Variants in ACOT12 observed in about 807,000 individuals in gnomAD.
ACOT12 encodes the protein acyl-CoA thioesterase 12.
ACOT12 carries 51 observed loss-of-function variants against 67.7 expected under a neutral mutation model. The observed-to-expected ratio is 0.75, with a 90% CI of 0.60 to 0.95. The LOEUF is 0.95. Ranked by LOEUF, ACOT12 falls within the 40% of genes least tolerant of loss-of-function variation. ACOT12 has a pLI of 0.00. For synonymous variants in ACOT12, 251 were observed against 244.6 expected (o/e 1.03, Z -0.24); for missense variants, 734 against 708.1 (o/e 1.04, Z -0.41).
At chr5:81,342,631 TG>T in intron 11 of ACOT12, 40 bp downstream of exon 11, 1 of 1,601,322 alleles carries the variant, frequency 6.2e-7, no homozygotes, top group Non-Finnish European at 8.6e-7. Flanking sequence ...CTTTCGTTTG[TG>T]ATGGGCGATG....
chr5:81,349,357 C>T (rs1301987420), intron 5 of ACOT12, among the ~76,000 whole-genome samples: 4 of 152,198 alleles, frequency 2.6e-5, no homozygotes, highest in Admixed American at 2.6e-4. Context: ...CCTGCAAGCC[C>T]TGCATTCCTG....
At position 81,383,518 on chromosome 5, in the gene ACOT12, T is replaced by G. The variant is rs796327588; in HGVS notation, c.197+2239A>C. On this transcript the variant is annotated intron_variant, in intron 2 of 14. Transcript: ENST00000307624. ...CAAATGACCAGGTTTCTTTAAAAAA[T>G]AAATTGCAAGATAAAAGAAGGAAGG... is the stretch of plus-strand genomic sequence containing the variant. Among the ~76,000 whole-genome samples the G allele has an allele frequency of 2.8e-4, 42 of 152,176 alleles. 2 individuals carry two copies. The highest frequency in any genetic ancestry group is 9.2e-4 in the African/African-American group (38 of 41,504).
At position 81,347,888 on chromosome 5, in the gene ACOT12, C is replaced by T; in HGVS notation, c.539G>A (p.Gly180Asp). Residue 180 changes from glycine (G) to aspartate (D), a missense_variant, in exon 6 of 15, where the codon GGC (glycine) becomes GAC (aspartate). Gly to Asp is a moderately conservative substitution (Grantham distance 94). Coordinates refer to ENST00000307624, the MANE Select transcript of ACOT12 (RefSeq NM_130767.3). ...CAGTTCAATGCTCTGAACGGAGGTG[C>T]CCCTTGTGGAAACCGCTCCTTCCTC... ...DEEEGAVSTR[G>D]TSVQSIELVL... The T allele has an allele frequency of 1.2e-6, 2 of 1,613,864 alleles. No individual in the cohort carries two copies. The highest frequency in any genetic ancestry group is 3.3e-5 in the Admixed American group (2 of 59,964).
chr5:81,322,751 T>C, the ACOT12 span, among the ~76,000 whole-genome samples: 1 of 152,060 alleles, frequency 6.6e-6, no homozygotes, highest in East Asian at 1.9e-4. Flanking sequence ...AAACTTAAAA[T>C]CATGGTGGAA....
chr5:81,380,582 A>G (rs1393576984), intron 2 of ACOT12, among the ~76,000 whole-genome samples: 10 of 80,274 alleles, frequency 1.2e-4, no homozygotes, highest in East Asian at 2.7e-4. Flanking sequence ...AAAAAAAAAG[A>G]AAAGAAATCT....
At position 81,330,296 on chromosome 5, in the gene ACOT12, A is replaced by T; in HGVS notation, c.*98T>A. On this transcript the variant is annotated 3_prime_UTR_variant, in exon 15 of 15. Coordinates refer to ENST00000307624, the MANE Select transcript of ACOT12 (RefSeq NM_130767.3). ...ACTGCATTTTGCTTAGGGTTATATT[A>T]AATTATTTTGTGGCCCCAAAGCTTG... 7.3e-7 allele frequency: 1 copy of T among 1,378,346 alleles called. No homozygotes were observed. Among genetic ancestry groups the T allele is most frequent in the Non-Finnish European group, 9.8e-7 (1 of 1,024,516 alleles). 85.4% of individuals were successfully genotyped at this position (1,378,346 alleles called of 1,614,324 possible). A position where few individuals can be genotyped will look rare whatever the true frequency, so the allele number is the denominator to read the frequency against.
At chr5:81,380,669 T>C (rs555894966) in intron 2 of ACOT12, among the ~76,000 whole-genome samples, 2 of 151,224 alleles carry the variant, frequency 1.3e-5, no homozygotes, top group South Asian at 2.1e-4. Flanking sequence ...TTATTTGTAA[T>C]AGCAAAAGAC....
rs778275865 is a variant in ACOT12, at chr5:81,347,943, T to G, written c.497-13A>C. 32 of 1,611,790 alleles carry G rather than the reference T, an allele frequency of 2.0e-5. No individual in the cohort carries two copies. Among genetic ancestry groups the G allele is most frequent in the African/African-American group, 5.3e-5 (4 of 74,888 alleles). On this transcript the variant is annotated splice_polypyrimidine_tract_variant and intron_variant, in intron 5 of 14. Coordinates refer to ENST00000307624, the MANE Select transcript of ACOT12 (RefSeq NM_130767.3). ...TCAAAAATGAGATCTGAAAGGTGGA[T>G]GTAAACATTAATGATGGTGGAGTGA...
At chr5:81,361,948 A>T (rs1288162916) in intron 4 of ACOT12, among the ~76,000 whole-genome samples, 1 of 152,224 alleles carries the variant, frequency 6.6e-6, no homozygotes, top group African/African-American at 2.4e-5. Flanking sequence ...TATGGGTTCA[A>T]ACCAAACCAC....
chr5:81,393,733 A>G (rs963988295), intron 1 of ACOT12, among the ~76,000 whole-genome samples: 4 of 151,444 alleles, frequency 2.6e-5, no homozygotes, highest in African/African-American at 9.8e-5. Flanking sequence ...AAACAAACAA[A>G]AAACCCCGCA....
At position 81,359,940 on chromosome 5, in the gene ACOT12, G is replaced by GTT. The variant is rs1320995063; in HGVS notation, c.458_459insAA (p.Phe154ThrfsTer5). On this transcript the variant is annotated frameshift_variant, in exon 5 of 15. Transcript: ENST00000307624. LOFTEE classifies it high-confidence loss of function. ...TACTTTCCTTCATTAAATTGTTAAAGGTATCTTCATGTTGTAATCGAACTT... is the reference window on the plus strand; with the variant it reads ...TACTTTCCTTCATTAAATTGTTAAAGTTGTATCTTCATGTTGTAATCGAACTT... 6.2e-7 allele frequency: 1 copy of GTT among 1,611,204 alleles called. No homozygotes were observed. The highest frequency in any genetic ancestry group is 2.2e-5 in the East Asian group (1 of 44,750).
chr5:81,335,875 A>G lies in ACOT12; in HGVS notation c.1155T>C (p.His385=). The G allele has an allele frequency of 4.3e-6, 7 of 1,613,768 alleles. No individual in the cohort carries two copies. Among genetic ancestry groups the G allele is most frequent in the Non-Finnish European group, 5.9e-6 (7 of 1,179,834 alleles). ...TTTCAACCCAAACAGATAAAACATC[A>G]TGCTCTTCCAGAGTATATATTTTTA... The part of the protein sequence containing the change: ...EKIKIYTLEE[H]DVLSVWVEKH... Residue 385 remains histidine, a synonymous_variant, in exon 12 of 15, where the codon CAT becomes CAC. Transcript: ENST00000307624.
At chr5:81,323,845 T>C in the ACOT12 span, among the ~76,000 whole-genome samples, 5 of 142,966 alleles carry the variant, frequency 3.5e-5, no homozygotes, top group Admixed American at 3.0e-4. Context: ...TGTATATGTA[T>C]ATGTACATGT....
At chr5:81,322,977 AT>A in the ACOT12 span, among the ~76,000 whole-genome samples, 2 of 151,130 alleles carry the variant, frequency 1.3e-5, no homozygotes, top group Admixed American at 6.6e-5. Flanking sequence ...TCAAGGTGAA[AT>A]GTGGGTGGGG....
chr5:81,378,672 G>A (rs1264289613), intron 2 of ACOT12, among the ~76,000 whole-genome samples: 1 of 152,112 alleles, frequency 6.6e-6, no homozygotes, highest in African/African-American at 2.4e-5. Context: ...AGTGGGCGGA[G>A]GATATGAACA....
chr5:81,311,007 G>A, the ACOT12 span, among the ~76,000 whole-genome samples: 2 of 152,150 alleles, frequency 1.3e-5, no homozygotes, highest in Non-Finnish European at 2.9e-5. Context: ...AGAAGCAGTG[G>A]GTGGGTACAA....
the ACOT12 span, among the ~76,000 whole-genome samples, chr5:81,323,942 A>ATATATACATATATGTGTG: frequency 2.1e-5 from 3 of 140,066 alleles, no homozygotes; most frequent in African/African-American, 7.7e-5. Context: ...ATATATGTGT[A>ATATATACATATATGTGTG]TATATATATA....
At chr5:81,333,998 G>T (rs976258704) in intron 12 of ACOT12, among the ~76,000 whole-genome samples, 2 of 152,184 alleles carry the variant, frequency 1.3e-5, no homozygotes, top group Non-Finnish European at 2.9e-5. Context: ...GACACCAGCA[G>T]ACGCTGGCAG....
chr5:81,363,097 C>T (rs769889202), intron 4 of ACOT12, among the ~76,000 whole-genome samples: 1 of 151,990 alleles, frequency 6.6e-6, no homozygotes, highest in Non-Finnish European at 1.5e-5. Flanking sequence ...GAGTGAAAGA[C>T]TCATATTCCA....
Sources: allele counts gnomAD v4.1 joint callset (sites outside exome capture counted in the v4.1 genomes callset), GRCh38; gene constraint gnomAD v4.1.1; transcripts MANE v1.5; gene names NCBI Gene and HGNC (gene_info 2026-07-23, HGNC 2026-07-21).